Variants in ANK2 observed in about 807,000 individuals in gnomAD.
ANK2 encodes ankyrin-2.
Under a neutral mutation model 360.5 loss-of-function variants are expected in ANK2, and 83 were observed. The observed-to-expected ratio is 0.23, with a 90% CI of 0.19 to 0.28. The LOEUF (loss-of-function observed/expected upper bound fraction) is 0.28. Among genes scored for constraint, ANK2 ranks in the 10% least tolerant of loss-of-function variants. The pLI is 1.00. For missense variants in ANK2, 4,201 were observed against 4,795.7 expected (o/e 0.88, Z 3.66); for synonymous variants, 1,740 against 1,759.5 (o/e 0.99, Z 0.28).
At chr4:112,890,584 T>TTTTTTA (rs2079714834) in intron 1 of ANK2, among the ~76,000 whole-genome samples, 2 of 127,020 alleles carry the variant, frequency 1.6e-5, no homozygotes, top group Non-Finnish European at 3.3e-5. Flanking sequence ...TTTTTTTTTT[T>TTTTTTA]GAGACGGAGT....
chr4:113,246,134 G>T (rs1269606344), intron 9 of ANK2, among the ~76,000 whole-genome samples: 1 of 152,128 alleles, frequency 6.6e-6, no homozygotes, highest in Non-Finnish European at 1.5e-5. Flanking sequence ...TTTTGTTGTT[G>T]TTGTTGTTGT....
At position 112,829,966 on chromosome 4, in the gene ANK2, T is replaced by TAA. The variant is rs71591792; in HGVS notation, c.-40+11706_-40+11707dup. Among the ~76,000 whole-genome samples the TAA allele has an allele frequency of 1.3e-4, 18 of 142,272 alleles. 1 individual carries two copies. The highest frequency in any genetic ancestry group is 9.0e-4 in the South Asian group (4 of 4,452). The allele number at this position is 142,272 out of a possible 152,430, so 93.3% of individuals were successfully genotyped here. A position where few individuals can be genotyped will look rare whatever the true frequency, so the allele number is the denominator to read the frequency against. On this transcript the variant is annotated intron_variant, in intron 1 of 30. Coordinates refer to the ANK2 transcript ENST00000503271. ...AGAGTAAGACTCCGTCTCAAAAAAA[T>TAA]AAAAATAAAAAATAAAAAAAAAGTC...
intron 1 of ANK2, among the ~76,000 whole-genome samples, chr4:112,830,856 C>A (rs1158981121): frequency 6.6e-6 from 1 of 152,170 alleles, no homozygotes; most frequent in Non-Finnish European, 1.5e-5. Context: ...CGCAGGCCAG[C>A]ACGGGTTCCA....
At chr4:113,134,602 A>G (rs1158819030) in intron 1 of ANK2, among the ~76,000 whole-genome samples, 1 of 152,100 alleles carries the variant, frequency 6.6e-6, no homozygotes, top group Non-Finnish European at 1.5e-5. Context: ...TGTTTTTTTA[A>G]CACTTGATCT....
chr4:113,062,992 T>C (rs1339186497), intron 1 of ANK2, among the ~76,000 whole-genome samples: 1 of 152,100 alleles, frequency 6.6e-6, no homozygotes. Flanking sequence ...CTAATATCAA[T>C]TTAGGTGACA....
the ANK2 span, chr4:112,788,409 G>A: frequency 1.9e-6 from 3 of 1,593,754 alleles, no homozygotes; most frequent in South Asian, 1.1e-5. Context: ...TCCACGTCGG[G>A]TGCAATCACC....
In ANK2 at chr4:113,249,791, G is replaced by A. The variant is rs565267150; in HGVS notation, c.919G>A (p.Ala307Thr). Residue 307 changes from alanine (A) to threonine (T), a missense_variant, in exon 10 of 46, where the codon GCA becomes ACA. By Grantham distance (58) the Ala-to-Thr change is moderately conservative (BLOSUM62 0). Around this residue, in one of 4 missense-constraint regions of ANK2, gnomAD observed 122 missense variants for 239.3 expected, o/e 0.51. Transcript: ENST00000357077. ...RDGLTPLHCA[A>T]RSGHDQVVEL... Reference sequence around the variant, plus strand: ...TGGGTTGACACCACTTCACTGTGCTGCACGAAGTGGGCATGACCAAGTGGT... The same window carrying A: ...TGGGTTGACACCACTTCACTGTGCTACACGAAGTGGGCATGACCAAGTGGT... The A allele has an allele frequency of 6.2e-7, 1 of 1,614,128 alleles. No individual in the cohort carries two copies. The highest frequency in any genetic ancestry group is 1.1e-5 in the South Asian group (1 of 91,034).
chr4:112,793,212 G>A, the ANK2 span, among the ~76,000 whole-genome samples: 2 of 151,860 alleles, frequency 1.3e-5, no homozygotes, highest in Non-Finnish European at 2.9e-5. Flanking sequence ...AATAAGTAAA[G>A]GTTTTTAAAA....
intron 17 of ANK2, 66 bp from the exon 18 acceptor site, chr4:113,282,609 A>G (rs946543524): frequency 7.2e-7 from 1 of 1,383,190 alleles, no homozygotes; most frequent in African/African-American, 1.4e-5. Context: ...TTTCCTTTAG[A>G]GATACGTATT....
intron 2 of ANK2, among the ~76,000 whole-genome samples, chr4:112,970,197 G>A (rs1433150284): frequency 6.6e-6 from 1 of 151,842 alleles, no homozygotes; most frequent in East Asian, 1.9e-4. Context: ...TGTTGGCCAG[G>A]CTGATCTCGA....
Position 112,827,581 on chromosome 4 carries a change from G to T in ANK2, c.-40+9317G>T, listed in dbSNP as rs565445189. The T allele has an allele frequency of 3.9e-6, 4 of 1,033,716 alleles. No individual in the cohort carries two copies. In the African/African-American group the frequency reaches 4.7e-5, roughly 12 times the overall value. 64.0% of individuals were successfully genotyped at this position (1,033,716 alleles called of 1,614,324 possible). Reference sequence around the variant, plus strand: ...GGAAGAGGAGATGAAATATTCTCGAGCTCTATACCTGGCCCTTCTGAAGGG... The same window carrying T: ...GGAAGAGGAGATGAAATATTCTCGATCTCTATACCTGGCCCTTCTGAAGGG... On this transcript the variant is annotated intron_variant, in intron 1 of 30. Coordinates refer to the ANK2 transcript ENST00000503271.
chr4:112,807,867 A>T, the ANK2 span, among the ~76,000 whole-genome samples: 1 of 152,222 alleles, frequency 6.6e-6, no homozygotes, highest in Admixed American at 6.5e-5. Context: ...TGTTTATTAA[A>T]TTTGCAGATG....
chr4:112,813,294 C>A (rs1046380687), upstream of ANK2, among the ~76,000 whole-genome samples: 1 of 144,344 alleles, frequency 6.9e-6, no homozygotes, highest in African/African-American at 2.5e-5. Context: ...TTCAATGGAA[C>A]AAAAACAATG....
chr4:113,148,181 C>A (rs2096905498), intron 1 of ANK2, among the ~76,000 whole-genome samples: 1 of 152,042 alleles, frequency 6.6e-6, no homozygotes, highest in Admixed American at 6.6e-5. Context: ...AAAAATGTAT[C>A]TTTATTTTAT....
At chr4:112,994,858 T>G (rs2048015279) in intron 2 of ANK2, among the ~76,000 whole-genome samples, 1 of 152,230 alleles carries the variant, frequency 6.6e-6, no homozygotes, top group Non-Finnish European at 1.5e-5. Flanking sequence ...ATGCAGTATT[T>G]GAATTTCTGT....
In ANK2 at chr4:112,857,447, G is replaced by A. The variant is rs115311914; in HGVS notation, c.-40+39183G>A. 5.4e-3 allele frequency among the ~76,000 whole-genome samples: 820 copies of A among 152,106 alleles called. 14 individuals carry two copies. Among genetic ancestry groups the A allele is most frequent in the African/African-American group, 0.019 (770 of 41,500 alleles). ...CTCTTTTAATGGCCCTAGCACCAAG[G>A]ACAGGTGTTCATGAAGATTTCACAG... On this transcript the variant is annotated intron_variant, in intron 1 of 30. Transcript: ENST00000503271.
Position 113,382,899 on chromosome 4 carries a change from G to A in ANK2, c.*1428G>A, listed in dbSNP as rs2097193691. The stretch of plus-strand genomic sequence containing the variant: ...CACACTCCCTTGGAAACTCTTAAGT[G>A]CATTTGTGCACTTCTGTTTGTTTGT... On this transcript the variant is annotated 3_prime_UTR_variant, in exon 46 of 46. Coordinates refer to ENST00000357077, the MANE Select transcript of ANK2 (RefSeq NM_001148.6). 6.6e-6 allele frequency: 1 copy of A among 152,412 alleles called. No individual in the cohort carries two copies. The highest frequency in any genetic ancestry group is 2.4e-5 in the African/African-American group (1 of 41,420). 9.4% of individuals were successfully genotyped at this position (152,412 alleles called of 1,614,324 possible).
chr4:112,716,880 C>T, the ANK2 span, among the ~76,000 whole-genome samples: 8 of 152,250 alleles, frequency 5.3e-5, no homozygotes, highest in East Asian at 7.7e-4. Context: ...CCCCTTTCCC[C>T]GTTTTGTTTA....
chr4:113,251,138 T>C (rs150635787), intron 10 of ANK2, among the ~76,000 whole-genome samples: 5 of 152,258 alleles, frequency 3.3e-5, no homozygotes, highest in African/African-American at 1.2e-4. Flanking sequence ...ATAACAAAAT[T>C]TCAGACCAAT....
Sources: gnomAD v4.1 joint callset for allele counts (sites outside exome capture counted in the v4.1 genomes callset) on GRCh38, gnomAD v4.1.1 for gene constraint, gnomAD v4.1.1 regional missense constraint, MANE v1.5 for transcripts, NCBI Gene and HGNC (gene_info 2026-07-23, HGNC 2026-07-21) for gene names.